The following NEGR1 variants were observed in gnomAD, a reference collection of about 807,000 sequenced individuals.
NEGR1 encodes the protein IgLON family member 4.
NEGR1 carries 10 observed loss-of-function variants against 40.9 expected under a neutral mutation model. That is an observed-to-expected ratio of 0.24 (90% CI 0.15 to 0.42). NEGR1 has a LOEUF of 0.42. NEGR1 is among the 10% of genes least tolerant of loss of function. NEGR1 has a pLI of 1.00. For synonymous variants in NEGR1, 185 were observed against 166.8 expected, an observed-to-expected ratio of 1.11 and a Z score of -0.84; for missense variants, 352 against 438.9, an observed-to-expected ratio of 0.80 and a Z score of 1.77.
At chr1:71,844,095 G>T (rs1351354666) in intron 2 of NEGR1, among the ~76,000 whole-genome samples, 2 of 152,126 alleles carry the variant, frequency 1.3e-5, no homozygotes, top group Non-Finnish European at 2.9e-5. Context: ...AATAAAATTA[G>T]GTTAAGGGGA....
chr1:71,663,473 A>G (rs1652138748), intron 4 of NEGR1, among the ~76,000 whole-genome samples: 1 of 152,198 alleles, frequency 6.6e-6, no homozygotes, highest in Non-Finnish European at 1.5e-5. Flanking sequence ...GATATTCTTA[A>G]TTACAAAAGA....
chr1:71,973,716 G>A (rs1353123378), intron 1 of NEGR1, among the ~76,000 whole-genome samples: 5 of 152,232 alleles, frequency 3.3e-5, no homozygotes, highest in Middle Eastern at 3.4e-3. Context: ...GTGCTAAAAT[G>A]TGAATGAAAT....
At chr1:71,630,683 T>C (rs1307616679) in intron 4 of NEGR1, among the ~76,000 whole-genome samples, 2 of 151,848 alleles carry the variant, frequency 1.3e-5, no homozygotes, top group African/African-American at 4.8e-5. Context: ...TGGCTCTGAT[T>C]CTTCCAAAAT....
At position 72,259,894 on chromosome 1, in the gene NEGR1, T is replaced by G. The variant is rs546277323; in HGVS notation, c.176+22425A>C. Among the ~76,000 whole-genome samples, 40 of 152,246 alleles carry G rather than the reference T, an allele frequency of 2.6e-4. 1 individual carries two copies. The highest frequency in any genetic ancestry group is 4.4e-4 in the Non-Finnish European group (30 of 67,960). On this transcript the variant is annotated intron_variant, in intron 1 of 6. Transcript: ENST00000357731. ...ATGCTCACCTTTTCTTTTACTATTC[T>G]TATTCCTCTATTTCAGTAGTAATTA...
intron 2 of NEGR1, among the ~76,000 whole-genome samples, chr1:71,783,521 TC>T (rs983393591): frequency 6.6e-6 from 1 of 152,112 alleles, no homozygotes; most frequent in Non-Finnish European, 1.5e-5. Context: ...CTATTGCTTC[TC>T]CCCTAATCCC....
At chr1:71,665,021 A>G (rs1652192536) in intron 4 of NEGR1, among the ~76,000 whole-genome samples, 1 of 152,182 alleles carries the variant, frequency 6.6e-6, no homozygotes, top group Non-Finnish European at 1.5e-5. Flanking sequence ...AATAACTGTC[A>G]AAAGGTTAGG....
intron 1 of NEGR1, among the ~76,000 whole-genome samples, chr1:72,098,654 T>C (rs561329840): frequency 6.6e-6 from 1 of 152,284 alleles, no homozygotes; most frequent in African/African-American, 2.4e-5. Context: ...CTCATTTTCC[T>C]ATTTTGAGTA....
intron 1 of NEGR1, among the ~76,000 whole-genome samples, chr1:72,281,418 GTGAGTTAGTA>G (rs1167930783): frequency 1.3e-5 from 2 of 152,114 alleles, no homozygotes; most frequent in African/African-American, 4.8e-5. Context: ...GTGAGAGTAT[GTGAGTTAGTA>G]TGTTTATGGA....
chr1:71,507,820 C>T (rs1647045623), intron 6 of NEGR1, among the ~76,000 whole-genome samples: 1 of 152,154 alleles, frequency 6.6e-6, no homozygotes, highest in Non-Finnish European at 1.5e-5. Flanking sequence ...CCCTTGGCAT[C>T]CCCCTTCTTC....
At chr1:71,768,441 A>G (rs1366931204) in intron 3 of NEGR1, among the ~76,000 whole-genome samples, 2 of 151,784 alleles carry the variant, frequency 1.3e-5, no homozygotes, top group East Asian at 1.9e-4. Context: ...TATCCTTCCA[A>G]TTTTTTTTGT....
intron 1 of NEGR1, among the ~76,000 whole-genome samples, chr1:72,225,468 T>C (rs1436694277): frequency 2.6e-5 from 4 of 151,726 alleles, no homozygotes; most frequent in Non-Finnish European, 4.4e-5. Flanking sequence ...AAATTATTTT[T>C]CAATGTATTT....
At chr1:72,075,134 G>T (rs1647665631) in intron 1 of NEGR1, among the ~76,000 whole-genome samples, 1 of 151,904 alleles carries the variant, frequency 6.6e-6, no homozygotes, top group Non-Finnish European at 1.5e-5. Context: ...GATGTTTTTG[G>T]AAACATTACA....
intron 2 of NEGR1, among the ~76,000 whole-genome samples, chr1:71,790,735 G>A (rs961420937): frequency 3.3e-5 from 5 of 152,138 alleles, no homozygotes; most frequent in African/African-American, 1.2e-4. Flanking sequence ...AGTGGGATTA[G>A]AAATGGGATT....
At chr1:71,916,414 A>G (rs1661585666) in intron 2 of NEGR1, among the ~76,000 whole-genome samples, 1 of 152,212 alleles carries the variant, frequency 6.6e-6, no homozygotes, top group African/African-American at 2.4e-5. Flanking sequence ...ATACCCATTC[A>G]TCATGAAACA....
At chr1:71,430,160 T>G (rs1646456521) in intron 6 of NEGR1, among the ~76,000 whole-genome samples, 1 of 152,196 alleles carries the variant, frequency 6.6e-6, no homozygotes, top group South Asian at 2.1e-4. Flanking sequence ...AACTCATCTT[T>G]GAACTTTTGT....
intron 6 of NEGR1, among the ~76,000 whole-genome samples, chr1:71,569,500 T>A (rs1217079275): frequency 1.3e-5 from 2 of 152,172 alleles, no homozygotes; most frequent in African/African-American, 4.8e-5. Flanking sequence ...ATTATTGTTG[T>A]TGAAATAATC....
At chr1:72,097,522 T>A (rs565146590) in intron 1 of NEGR1, among the ~76,000 whole-genome samples, 141 of 152,284 alleles carry the variant, frequency 9.3e-4, no homozygotes, top group African/African-American at 3.2e-3. Flanking sequence ...ATTTCCTTTT[T>A]AGAAAAAGAG....
intron 6 of NEGR1, among the ~76,000 whole-genome samples, chr1:71,591,187 G>T (rs1019112141): frequency 3.9e-5 from 6 of 152,004 alleles, no homozygotes; most frequent in African/African-American, 1.2e-4. Flanking sequence ...TAATCAAATT[G>T]TATGTACTTA....
At chr1:72,240,555 C>A (rs539629019) in intron 1 of NEGR1, among the ~76,000 whole-genome samples, 1 of 151,746 alleles carries the variant, frequency 6.6e-6, no homozygotes, top group African/African-American at 2.4e-5. Context: ...ACCAGTATGA[C>A]CCTAAAGACA....
Sources: allele counts gnomAD v4.1 joint callset (sites outside exome capture counted in the v4.1 genomes callset), GRCh38; gene constraint gnomAD v4.1.1; transcripts MANE v1.5; gene names NCBI Gene and HGNC (gene_info 2026-07-23, HGNC 2026-07-21).